TMEM200A: variants seen among roughly 807,000 people sequenced by gnomAD.
The protein encoded by TMEM200A is two transmembrane C.
TMEM200A carries 12 observed loss-of-function variants against 24.3 expected under a neutral mutation model. The ratio of observed to expected loss-of-function variants is 0.49; its 90% CI spans 0.32 to 0.80. The LOEUF is 0.80. TMEM200A is among the 30% of genes least tolerant of loss of function. TMEM200A has a pLI of 0.04. For synonymous variants in TMEM200A, 224 were observed against 224.4 expected (o/e 1.00, Z 0.02); for missense variants, 545 against 614.4 (o/e 0.89, Z 1.19).
intron 2 of TMEM200A, among the ~76,000 whole-genome samples, chr6:130,410,772 T>TTTAA (rs1232053382): frequency 6.6e-6 from 1 of 152,236 alleles, no homozygotes; most frequent in Non-Finnish European, 1.5e-5. Context: ...ACCTTCTTTA[T>TTTAA]TTAATTAAGA....
At chr6:130,418,933 C>A (rs2115177141) in intron 2 of TMEM200A, among the ~76,000 whole-genome samples, 1 of 152,260 alleles carries the variant, frequency 6.6e-6, no homozygotes, top group South Asian at 2.1e-4. Context: ...CGAGTCCTCT[C>A]TTCTAGCTAT....
At chr6:130,427,919 A>C (rs1779786443) in intron 2 of TMEM200A, among the ~76,000 whole-genome samples, 1 of 152,142 alleles carries the variant, frequency 6.6e-6, no homozygotes, top group South Asian at 2.1e-4. Context: ...AGGACATTGC[A>C]GAGGAAACAA....
chr6:130,412,643 C>T (rs947912324), intron 2 of TMEM200A, among the ~76,000 whole-genome samples: 14 of 152,160 alleles, frequency 9.2e-5, no homozygotes, highest in African/African-American at 3.4e-4. Context: ...CTCATGCTAG[C>T]CAAGCCCTAG....
intron 2 of TMEM200A, among the ~76,000 whole-genome samples, chr6:130,433,360 A>C (rs977108195): frequency 6.6e-6 from 1 of 151,200 alleles, no homozygotes; most frequent in African/African-American, 2.4e-5. Context: ...CTGGTCTTGA[A>C]CTCCTGACCT....
intron 1 of TMEM200A, among the ~76,000 whole-genome samples, chr6:130,374,769 A>G (rs1023215602): frequency 6.6e-6 from 1 of 152,130 alleles, no homozygotes. Context: ...CTATAATGTT[A>G]GTCACTGATT....
At chr6:130,402,477 G>A (rs1167318221) in intron 2 of TMEM200A, among the ~76,000 whole-genome samples, 1 of 151,982 alleles carries the variant, frequency 6.6e-6, no homozygotes, top group Non-Finnish European at 1.5e-5. Context: ...AGAATTACTT[G>A]GGGTCTCCAT....
intron 1 of TMEM200A, among the ~76,000 whole-genome samples, chr6:130,371,067 T>A (rs1778310913): frequency 6.6e-6 from 1 of 152,178 alleles, no homozygotes; most frequent in African/African-American, 2.4e-5. Context: ...ATTATGAAGT[T>A]CTTATGAGGT....
chr6:130,426,652 A>AGAC (rs773718245), intron 2 of TMEM200A, among the ~76,000 whole-genome samples: 2 of 152,192 alleles, frequency 1.3e-5, no homozygotes, highest in Non-Finnish European at 2.9e-5. Flanking sequence ...GAAGGTAGGT[A>AGAC]GACATAAACA....
At chr6:130,388,473 G>T (rs1583184761) in intron 2 of TMEM200A, among the ~76,000 whole-genome samples, 1 of 152,204 alleles carries the variant, frequency 6.6e-6, no homozygotes, top group African/African-American at 2.4e-5. Flanking sequence ...TCATTGCTTA[G>T]ATAAGTTCTG....
At chr6:130,401,375 CTGCT>C (rs549512520) in intron 2 of TMEM200A, among the ~76,000 whole-genome samples, 115 of 141,182 alleles carry the variant, frequency 8.1e-4, no homozygotes, top group African/African-American at 1.6e-3. Flanking sequence ...CTCCCTCCCC[CTGCT>C]TGCTTGCTTG....
At chr6:130,377,136 G>A (rs780874250) in intron 1 of TMEM200A, among the ~76,000 whole-genome samples, 24 of 152,186 alleles carry the variant, frequency 1.6e-4, no homozygotes, top group Non-Finnish European at 2.9e-5. Flanking sequence ...GAGAGCCATT[G>A]GGTAATACTT....
intron 2 of TMEM200A, among the ~76,000 whole-genome samples, chr6:130,389,996 G>A (rs553918322): frequency 1.3e-5 from 2 of 152,254 alleles, no homozygotes; most frequent in South Asian, 4.1e-4. Flanking sequence ...TTTGCTTACA[G>A]GTTCATTAGG....
At chr6:130,428,654 A>G (rs1255535456) in intron 2 of TMEM200A, among the ~76,000 whole-genome samples, 1 of 152,204 alleles carries the variant, frequency 6.6e-6, no homozygotes. Flanking sequence ...CAGGATGTAC[A>G]CCTTCATCCC....
intron 1 of TMEM200A, among the ~76,000 whole-genome samples, chr6:130,378,536 A>G (rs1778518418): frequency 6.6e-6 from 1 of 151,982 alleles, no homozygotes; most frequent in South Asian, 2.1e-4. Context: ...ATCCTGGCTA[A>G]CATCGTGAAA....
intron 2 of TMEM200A, among the ~76,000 whole-genome samples, chr6:130,430,862 A>G (rs1284371032): frequency 1.3e-5 from 2 of 152,308 alleles, no homozygotes; most frequent in Non-Finnish European, 2.9e-5. Flanking sequence ...GTTTGTATAG[A>G]ATTTTAAGAA....
rs1778148398 is a variant in TMEM200A, at chr6:130,366,445, T to G, written c.-160T>G. 1.0e-6 allele frequency: 1 copy of G among 985,234 alleles called. No homozygotes were observed. Among genetic ancestry groups the G allele is most frequent in the African/African-American group, 1.8e-5 (1 of 57,124 alleles). The allele number at this position is 985,234 out of a possible 1,614,324, so 61.0% of individuals were successfully genotyped here. ...CGTCCGCCTCCAGAGGCGCCCGACG[T>G]CCCGACAGCTCCTGGAGTGAGACCA... On this transcript the variant is annotated 5_prime_UTR_variant, in exon 1 of 3. Coordinates refer to ENST00000296978, the MANE Select transcript of TMEM200A (RefSeq NM_001258277.2). This position sits in a 1 kb window ranked among gnomAD's most constrained non-coding sequence, Gnocchi z 4.4.
chr6:130,385,573 T>G (rs925523139), intron 2 of TMEM200A, among the ~76,000 whole-genome samples: 14 of 152,172 alleles, frequency 9.2e-5, no homozygotes, highest in African/African-American at 3.4e-4. Context: ...TTCTTTTCTC[T>G]CCACTCAAAT....
At chr6:130,381,249 C>T (rs903443346) in intron 1 of TMEM200A, among the ~76,000 whole-genome samples, 3 of 152,186 alleles carry the variant, frequency 2.0e-5, no homozygotes, top group African/African-American at 7.2e-5. Flanking sequence ...GTGGTCCTAT[C>T]TGTCCTGGCA....
chr6:130,402,685 A>T (rs1259934651), intron 2 of TMEM200A, among the ~76,000 whole-genome samples: 1 of 152,136 alleles, frequency 6.6e-6, no homozygotes, highest in Non-Finnish European at 1.5e-5. Flanking sequence ...TGCAGTTTAA[A>T]CAACTCATAA....
Sources: gnomAD v4.1 joint callset for allele counts (sites outside exome capture counted in the v4.1 genomes callset) on GRCh38, gnomAD v4.1.1 for gene constraint, Gnocchi (gnomAD v3.1) non-coding constraint, MANE v1.5 for transcripts, NCBI Gene and HGNC (gene_info 2026-07-23, HGNC 2026-07-21) for gene names.